PRKDC: variants seen among roughly 807,000 people sequenced by gnomAD.
PRKDC encodes the protein DNA-dependent protein kinase catalytic subunit.
PRKDC carries 82 observed loss-of-function variants against 486.9 expected under a neutral mutation model. The observed-to-expected ratio is 0.17, with a 90% CI of 0.14 to 0.20. The LOEUF (loss-of-function observed/expected upper bound fraction) is 0.20. Among genes scored for constraint, PRKDC ranks in the 10% least tolerant of loss-of-function variants. PRKDC has a pLI of 1.00. For missense variants in PRKDC, 4,504 were observed against 5,038.2 expected (o/e 0.89, Z 3.21); for synonymous variants, 1,895 against 1,837.0 (o/e 1.03, Z -0.81).
At chr8:47,925,771 T>C (rs895198442) in intron 21 of PRKDC, among the ~76,000 whole-genome samples, 1 of 152,190 alleles carries the variant, frequency 6.6e-6, no homozygotes, top group Non-Finnish European at 1.5e-5. Context: ...TATAAAAACA[T>C]GCACAAACAC....
chr8:47,778,796 G>A lies in PRKDC; in HGVS notation c.11583C>T (p.Gly3861=), dbSNP rs202104334. Residue 3861 remains glycine, a synonymous_variant, in exon 82 of 86, where the codon GGC becomes GGT. Coordinates refer to ENST00000314191, the MANE Select transcript of PRKDC (RefSeq NM_006904.7). ...DVGAYMLMYK[G]ANRTETVTSF... Reference sequence around the variant, plus strand: ...ACGTGACTGTTTCAGTACGATTAGCGCCCCTATGATTTAATAATAGAAACA... The same window carrying A: ...ACGTGACTGTTTCAGTACGATTAGCACCCCTATGATTTAATAATAGAAACA... 1,127 of 1,612,938 alleles carry A rather than the reference G, an allele frequency of 7.0e-4. 10 individuals are homozygous for A. The South Asian group carries it at 8.1e-3, about 12-fold the overall frequency.
At chr8:47,953,139 TA>T (rs901097990) in intron 7 of PRKDC, among the ~76,000 whole-genome samples, 47 of 146,078 alleles carry the variant, frequency 3.2e-4, no homozygotes, top group Admixed American at 4.1e-4. Context: ...AGACTCTGTT[TA>T]AAAAAAAAAA....
intron 59 of PRKDC, among the ~76,000 whole-genome samples, chr8:47,833,812 C>G (rs779511142): frequency 6.6e-6 from 1 of 152,074 alleles, no homozygotes; most frequent in Non-Finnish European, 1.5e-5. Context: ...AGCTCCAAGG[C>G]TCCTCTCAAA....
chr8:47,780,194 C>T (rs1205848763), intron 80 of PRKDC, among the ~76,000 whole-genome samples: 3 of 152,106 alleles, frequency 2.0e-5, no homozygotes, highest in Non-Finnish European at 2.9e-5. Context: ...GGATTACAGG[C>T]GTGAGCTACT....
At position 47,887,530 on chromosome 8, in the gene PRKDC, A is replaced by T. The variant is rs755426893; in HGVS notation, c.4572+17T>A. The T allele has an allele frequency of 1.0e-5, 16 of 1,560,558 alleles. No homozygotes were observed. In the Middle Eastern group the frequency reaches 1.0e-3, roughly 99 times the overall value. On this transcript the variant is annotated intron_variant, in intron 35 of 85. Coordinates refer to ENST00000314191, the MANE Select transcript of PRKDC (RefSeq NM_006904.7). Reference sequence around the variant, plus strand: ...CTATTATTAGGGGAGTGCAGCATGCAGAGGCGTTTTTCCTACCAGTCCTCC... The same window carrying T: ...CTATTATTAGGGGAGTGCAGCATGCTGAGGCGTTTTTCCTACCAGTCCTCC...
intron 54 of PRKDC, among the ~76,000 whole-genome samples, chr8:47,843,491 A>G (rs2088197767): frequency 1.3e-5 from 2 of 152,340 alleles, no homozygotes; most frequent in Admixed American, 1.3e-4. Flanking sequence ...ATAGTCCATG[A>G]AAATGTTCCC....
At chr8:47,841,997 C>T (rs1384817127) in intron 54 of PRKDC, among the ~76,000 whole-genome samples, 2 of 152,172 alleles carry the variant, frequency 1.3e-5, no homozygotes, top group Admixed American at 6.5e-5. Flanking sequence ...TGAGATCCCC[C>T]ACCCTTGACC....
Position 47,824,005 on chromosome 8 carries a change from C to A in PRKDC, c.8784-9G>T, listed in dbSNP as rs1462466149. 3 of 1,568,650 alleles carry A rather than the reference C, an allele frequency of 1.9e-6. No individual in the cohort carries two copies. Among genetic ancestry groups the A allele is most frequent in the Non-Finnish European group, 2.6e-6 (3 of 1,153,968 alleles). ...CAATTGATCTATACAGCCTACAAAA[C>A]AAATCAAAAAGGCCAAATCAATGAA... On this transcript the variant is annotated splice_polypyrimidine_tract_variant and intron_variant, in intron 63 of 85. Transcript: ENST00000314191.
chr8:47,804,547 G>A (rs1225852851), intron 69 of PRKDC, among the ~76,000 whole-genome samples: 1 of 152,056 alleles, frequency 6.6e-6, no homozygotes, highest in Non-Finnish European at 1.5e-5. Flanking sequence ...TGATCCACCC[G>A]CCTTGGCCTC....
intron 32 of PRKDC, among the ~76,000 whole-genome samples, chr8:47,890,020 G>A (rs1293240339): frequency 6.6e-6 from 1 of 152,010 alleles, no homozygotes; most frequent in Admixed American, 6.6e-5. Flanking sequence ...TTGACAAATT[G>A]ATTTTGACAT....
At chr8:47,899,966 T>G (rs1487145534) in intron 28 of PRKDC, among the ~76,000 whole-genome samples, 1 of 152,244 alleles carries the variant, frequency 6.6e-6, no homozygotes, top group Non-Finnish European at 1.5e-5. Context: ...ATCCACTTTC[T>G]ACTTTCTAAA....
In PRKDC at chr8:47,881,536, G is replaced by A. The variant is rs1239035385; in HGVS notation, c.4963-16C>T. 2.3e-6 allele frequency: 3 copies of A among 1,291,038 alleles called. No individual in the cohort carries two copies. Among genetic ancestry groups the A allele is most frequent in the Admixed American group, 4.7e-5 (2 of 42,796 alleles). 80.0% of individuals were successfully genotyped at this position (1,291,038 alleles called of 1,614,324 possible). On this transcript the variant is annotated splice_polypyrimidine_tract_variant and intron_variant, in intron 37 of 85. Transcript: ENST00000314191. ...ATGAATCAATCTAAAGGAAGGAAAA[G>A]AAAAACAGGACACATTTGTATATTA... is the stretch of plus-strand genomic sequence containing the variant.
At chr8:47,953,496 C>G in intron 7 of PRKDC, 124 bp downstream of exon 7, 2 of 970,250 alleles carry the variant, frequency 2.1e-6, no homozygotes, top group Non-Finnish European at 3.2e-6. Context: ...ACAGGTCCCT[C>G]TAGATTATTT....
At position 47,895,898 on chromosome 8, in the gene PRKDC, G is replaced by C. The variant is rs897351981; in HGVS notation, c.3598+1263C>G. ...TACTAAAAACACAAAAATTAGCCGGGCGTGGTAGCACACGCCTGTAATCCC... is the reference window on the plus strand; with the variant it reads ...TACTAAAAACACAAAAATTAGCCGGCCGTGGTAGCACACGCCTGTAATCCC... On this transcript the variant is annotated intron_variant, in intron 30 of 85. Transcript: ENST00000314191. Among the ~76,000 whole-genome samples the C allele has an allele frequency of 4.6e-5, 7 of 151,984 alleles. No homozygotes were observed. In the East Asian group the frequency reaches 1.4e-3, roughly 29 times the overall value.
At chr8:47,926,254 C>CT (rs532282439) in intron 21 of PRKDC, among the ~76,000 whole-genome samples, 1 of 152,110 alleles carries the variant, frequency 6.6e-6, no homozygotes, top group Non-Finnish European at 1.5e-5. Flanking sequence ...ATTTTGGTCT[C>CT]TAAAATATGC....
At chr8:47,801,826 G>A (rs2087115067) in intron 70 of PRKDC, among the ~76,000 whole-genome samples, 1 of 152,118 alleles carries the variant, frequency 6.6e-6, no homozygotes, top group Non-Finnish European at 1.5e-5. Flanking sequence ...TAGGAGGCCT[G>A]ATCAACCACA....
rs1563765780 is a variant in PRKDC, at chr8:47,849,520, AT to A, written c.7006-18del. The A allele has an allele frequency of 1.9e-6, 3 of 1,609,032 alleles. No individual in the cohort carries two copies. The South Asian group carries it at 3.3e-5, about 18-fold the overall frequency. On this transcript the variant is annotated intron_variant, in intron 52 of 85. Coordinates refer to ENST00000314191, the MANE Select transcript of PRKDC (RefSeq NM_006904.7). The stretch of plus-strand genomic sequence containing the variant: ...CTCCAGTATCTGAAAAATTAAGTTT[AT>A]TTTCAAATACACAAAAGTGGAAATG...
At chr8:47,958,448 C>T (rs867244731) in intron 1 of PRKDC, among the ~76,000 whole-genome samples, 1 of 152,184 alleles carries the variant, frequency 6.6e-6, no homozygotes, top group African/African-American at 2.4e-5. Context: ...GAGTAACAGA[C>T]CTGTGCTGTT....
At chr8:47,848,207 A>G (rs2154500151) in intron 54 of PRKDC, among the ~76,000 whole-genome samples, 1 of 152,320 alleles carries the variant, frequency 6.6e-6, no homozygotes, top group Middle Eastern at 3.4e-3. Flanking sequence ...CTACAGCACC[A>G]TTTACAACAG....
Sources: allele counts gnomAD v4.1 joint callset (sites outside exome capture counted in the v4.1 genomes callset), GRCh38; gene constraint gnomAD v4.1.1; transcripts MANE v1.5; gene names NCBI Gene and HGNC (gene_info 2026-07-23, HGNC 2026-07-21).